ZNF525: variants seen among roughly 807,000 people sequenced by gnomAD.
ZNF525 encodes the protein zinc finger protein 525.
Under a neutral mutation model 37.6 loss-of-function variants are expected in ZNF525, and 33 were observed. That is an observed-to-expected ratio of 0.88 (90% confidence interval 0.67 to 1.17). The LOEUF (loss-of-function observed/expected upper bound fraction) is 1.17, where lower values mean the gene tolerates loss of function less well. ZNF525 is among the 50% of genes most tolerant of loss of function. The probability of loss-of-function intolerance (pLI) is 0.00; values close to 1 mark genes in which losing one functional copy is unlikely to be tolerated. For missense variants in ZNF525, 449 were observed against 543.1 expected (o/e 0.83, Z 1.72); for synonymous variants, 170 against 182.3 (o/e 0.93, Z 0.54).
Position 53,381,697 on chromosome 19 carries a change from A to G in ZNF525, c.1118A>G (p.His373Arg). Reference protein sequence around the residue: ...AFSFKSNLESHRITHTGEKPY... With the variant: ...AFSFKSNLESRRITHTGEKPY... ...AGTTTCAAATCAAACCTTGAAAGTC[A>G]TAGGATAACTCATACTGGAGAGAAA... is the stretch of plus-strand genomic sequence containing the variant. Residue 373 changes from histidine to arginine, a missense_variant, in exon 4 of 4, where the codon CAT becomes CGT. Transcript: ENST00000474037. 2 of 1,102,264 alleles carry G rather than the reference A, an allele frequency of 1.8e-6. No individual in the cohort carries two copies. Among genetic ancestry groups the G allele is most frequent in the South Asian group, 1.2e-5 (1 of 80,618 alleles). The allele number at this position is 1,102,264 out of a possible 1,614,324, so 68.3% of individuals were successfully genotyped here.
chr19:53,366,848 C>G (rs925308315), intron 1 of ZNF525, among the ~76,000 whole-genome samples: 64 of 151,456 alleles, frequency 4.2e-4, no homozygotes, highest in Non-Finnish European at 7.8e-4. Context: ...AGAGGAGGCG[C>G]AGAGATGGTG....
chr19:53,376,174 C>T lies in ZNF525; in HGVS notation c.142+278C>T, dbSNP rs796316142. 19 of 794,676 alleles carry T rather than the reference C, an allele frequency of 2.4e-5. No homozygotes were observed. In the African/African-American group the frequency reaches 2.9e-4, roughly 12 times the overall value. The allele number at this position is 794,676 out of a possible 1,614,324, so 49.2% of individuals were successfully genotyped here. Reference sequence around the variant, plus strand: ...TGCGGTTGAAGTTGGTCTTGATCTCCTGGGCTCAAGACATCCTCCTCGGCC... The same window carrying T: ...TGCGGTTGAAGTTGGTCTTGATCTCTTGGGCTCAAGACATCCTCCTCGGCC... On this transcript the variant is annotated intron_variant, in intron 3 of 3. Transcript: ENST00000474037.
rs940683951 is a variant in ZNF525 at position 53,384,447 on chromosome 19, G to A, written c.*2428G>A. On this transcript the variant is annotated 3_prime_UTR_variant, in exon 4 of 4. Transcript: ENST00000474037. ...TTTCCAAACCATCAATATGGGTTGT[G>A]TCTCTATATATGTTTTTAATCATTT... 4 of 156,804 alleles carry A rather than the reference G, an allele frequency of 2.6e-5. No individual in the cohort carries two copies. The highest frequency in any genetic ancestry group is 1.9e-4 in the East Asian group (1 of 5,272). The allele number at this position is 156,804 out of a possible 1,614,324, so 9.7% of individuals were successfully genotyped here.
intron 1 of ZNF525, among the ~76,000 whole-genome samples, chr19:53,371,921 T>A (rs1005444905): frequency 1.3e-5 from 2 of 152,168 alleles, no homozygotes; most frequent in African/African-American, 2.4e-5. Context: ...AGTGCTGGGA[T>A]GACAGCTGTG....
rs8110755 is a variant in ZNF525 at position 53,373,181 on chromosome 19, C to G, written c.15+885C>G. ...GATCTTGGCTCATGGCAACCTCCAC[C>G]TCCCAGGTTCAAGCGATTCTCCTGC... On this transcript the variant is annotated intron_variant, in intron 2 of 3. Transcript: ENST00000474037. Among the ~76,000 whole-genome samples, 1,239 of 152,192 alleles carry G rather than the reference C, an allele frequency of 8.1e-3. 20 individuals are homozygous for G. Among genetic ancestry groups the G allele is most frequent in the African/African-American group, 0.028 (1,172 of 41,532 alleles).
chr19:53,369,514 A>T (rs1405426162), intron 1 of ZNF525, among the ~76,000 whole-genome samples: 2 of 147,374 alleles, frequency 1.4e-5, no homozygotes, highest in Non-Finnish European at 1.5e-5. Flanking sequence ...AGCATGATCC[A>T]TTGTTCCCGG....
At position 53,382,652 on chromosome 19, in the gene ZNF525, T is replaced by G. The variant is rs2085575535; in HGVS notation, c.*633T>G. On this transcript the variant is annotated 3_prime_UTR_variant, in exon 4 of 4. Transcript: ENST00000474037. Reference sequence around the variant, plus strand: ...CCATGGCAGAGGGAAACTTTACAAATGTAATGATTGTCACCACGTCTTCAG... The same window carrying G: ...CCATGGCAGAGGGAAACTTTACAAAGGTAATGATTGTCACCACGTCTTCAG... The G allele has an allele frequency of 2.8e-6, 2 of 713,002 alleles. No individual in the cohort carries two copies. The highest frequency in any genetic ancestry group is 3.5e-5 in the African/African-American group (2 of 57,588). The allele number at this position is 713,002 out of a possible 1,614,324, so 44.2% of individuals were successfully genotyped here. A position where few individuals can be genotyped will look rare whatever the true frequency, so the allele number is the denominator to read the frequency against.
chr19:53,374,518 T>C (rs959593869), intron 2 of ZNF525, among the ~76,000 whole-genome samples: 1 of 152,212 alleles, frequency 6.6e-6, no homozygotes, highest in Non-Finnish European at 1.5e-5. Context: ...TGATTGCTTC[T>C]TCTAGGATGG....
intron 1 of ZNF525, among the ~76,000 whole-genome samples, chr19:53,369,978 C>A (rs998839489): frequency 4.7e-5 from 7 of 149,762 alleles, no homozygotes; most frequent in Admixed American, 4.6e-4. Context: ...CCCGCCTCGG[C>A]CTCCCAAAGT....
chr19:53,382,874 A>T lies in ZNF525; in HGVS notation c.*855A>T. On this transcript the variant is annotated 3_prime_UTR_variant, in exon 4 of 4. Coordinates refer to ENST00000474037, the MANE Select transcript of ZNF525 (RefSeq NM_001348156.2). The stretch of plus-strand genomic sequence containing the variant: ...CAAATCAAACCTTGAAAGTCATAGG[A>T]GAATTCATACTAGAGAGAAACCTTA... The T allele has an allele frequency of 7.2e-7, 1 of 1,380,268 alleles. No individual in the cohort carries two copies. The highest frequency in any genetic ancestry group is 1.0e-6 in the Non-Finnish European group (1 of 976,552). The allele number at this position is 1,380,268 out of a possible 1,614,324, so 85.5% of individuals were successfully genotyped here.
chr19:53,372,520 A>T, intron 2 of ZNF525: 1 of 898,378 alleles, frequency 1.1e-6, no homozygotes, highest in Non-Finnish European at 1.8e-6. Flanking sequence ...GGAAGGGCTC[A>T]CAACCAGACA....
intron 2 of ZNF525, among the ~76,000 whole-genome samples, chr19:53,373,846 T>G (rs2085504217): frequency 1.3e-5 from 2 of 152,054 alleles, no homozygotes; most frequent in African/African-American, 4.8e-5. Flanking sequence ...GTTTTTATAT[T>G]TATGTTTTTA....
intron 1 of ZNF525, among the ~76,000 whole-genome samples, chr19:53,367,217 A>G (rs992496746): frequency 2.0e-5 from 3 of 152,116 alleles, no homozygotes; most frequent in Non-Finnish European, 4.4e-5. Flanking sequence ...ACAGCGTCTC[A>G]TAACTGTTCT....
chr19:53,385,065 A>T lies in ZNF525; in HGVS notation c.*3046A>T. Reference sequence around the variant, plus strand: ...TAATCTTTCATTCTGTTCTAGTGGTATATAACATTGATTTGCTTGAATATG... The same window carrying T: ...TAATCTTTCATTCTGTTCTAGTGGTTTATAACATTGATTTGCTTGAATATG... On this transcript the variant is annotated 3_prime_UTR_variant, in exon 4 of 4. Coordinates refer to ENST00000474037, the MANE Select transcript of ZNF525 (RefSeq NM_001348156.2). The T allele has an allele frequency of 1.5e-6, 1 of 652,170 alleles. No individual in the cohort carries two copies. Among genetic ancestry groups the T allele is most frequent in the Non-Finnish European group, 2.7e-6 (1 of 363,690 alleles). 40.4% of individuals were successfully genotyped at this position (652,170 alleles called of 1,614,324 possible). A position where few individuals can be genotyped will look rare whatever the true frequency, so the allele number is the denominator to read the frequency against.
intron 1 of ZNF525, among the ~76,000 whole-genome samples, chr19:53,369,958 T>C (rs1170916253): frequency 6.8e-5 from 10 of 147,604 alleles, no homozygotes; most frequent in Non-Finnish European, 6.0e-5. Flanking sequence ...TCTCCTGACC[T>C]CGTGATCCGC....
intron 3 of ZNF525, among the ~76,000 whole-genome samples, chr19:53,377,502 G>A: frequency 6.6e-6 from 1 of 151,660 alleles, no homozygotes; most frequent in Non-Finnish European, 1.5e-5. Context: ...TACCTTTACT[G>A]GAGAATTTTA....
rs1358910716 is a variant in ZNF525, at chr19:53,382,146, T to A, written c.*127T>A. On this transcript the variant is annotated 3_prime_UTR_variant, in exon 4 of 4. Coordinates refer to ENST00000474037, the MANE Select transcript of ZNF525 (RefSeq NM_001348156.2). ...TAAATTTCATAGTGGAGAGAAACCTTACAAATGTGAAGAATGTGATGAAGC... is the reference window on the plus strand; with the variant it reads ...TAAATTTCATAGTGGAGAGAAACCTAACAAATGTGAAGAATGTGATGAAGC... 3 of 1,589,106 alleles carry A rather than the reference T, an allele frequency of 1.9e-6. No homozygotes were observed.
Position 53,385,973 on chromosome 19 carries a change from T to G in ZNF525, c.*3954T>G, listed in dbSNP as rs1240271243. ...AATTTAGAGAACAGCCTGGTTAACA[T>G]GGTGAAACACCATCTCTAGTAAAAA... is the stretch of plus-strand genomic sequence containing the variant. On this transcript the variant is annotated 3_prime_UTR_variant, in exon 4 of 4. Transcript: ENST00000474037. The G allele has an allele frequency of 4.6e-5, 10 of 218,156 alleles. No homozygotes were observed. In the East Asian group the frequency reaches 1.2e-3, roughly 27 times the overall value. The allele number at this position is 218,156 out of a possible 1,614,324, so 13.5% of individuals were successfully genotyped here.
intron 1 of ZNF525, among the ~76,000 whole-genome samples, chr19:53,366,760 AGG>A (rs2085449461): frequency 6.7e-6 from 1 of 148,424 alleles, no homozygotes; most frequent in South Asian, 2.1e-4. Context: ...CACAGCAGGG[AGG>A]ACACCTGGGG....
Sources: allele counts gnomAD v4.1 joint callset (sites outside exome capture counted in the v4.1 genomes callset), GRCh38; gene constraint gnomAD v4.1.1; transcripts MANE v1.5; gene names NCBI Gene and HGNC (gene_info 2026-07-23, HGNC 2026-07-21).